Variants in ARHGAP26 observed in about 807,000 individuals in gnomAD.
The protein encoded by ARHGAP26 is rho GTPase-activating protein 26.
ARHGAP26 carries 38 observed loss-of-function variants against 104.8 expected under a neutral mutation model. That is an observed-to-expected ratio of 0.36 (90% CI 0.28 to 0.48). ARHGAP26 has a LOEUF of 0.48. Among genes scored for constraint, ARHGAP26 ranks in the 20% least tolerant of loss-of-function variants. ARHGAP26 has a pLI of 0.99. For synonymous variants in ARHGAP26, 341 were observed against 340.0 expected (o/e 1.00, Z -0.03); for missense variants, 704 against 947.9 (o/e 0.74, Z 3.38).
intron 19 of ARHGAP26, among the ~76,000 whole-genome samples, chr5:143,144,446 C>G (rs1376071869): frequency 2.0e-5 from 3 of 152,100 alleles, no homozygotes; most frequent in Admixed American, 2.0e-4. Context: ...TGCTCTGTCA[C>G]CTAGGCTGGA....
chr5:143,150,407 C>T (rs1211343935), intron 20 of ARHGAP26, among the ~76,000 whole-genome samples: 1 of 152,180 alleles, frequency 6.6e-6, no homozygotes, highest in East Asian at 1.9e-4. Context: ...CAGAGTTCAA[C>T]CACTGTCAAC....
intron 17 of ARHGAP26, among the ~76,000 whole-genome samples, chr5:143,088,271 T>C (rs1790890435): frequency 6.6e-6 from 1 of 152,248 alleles, no homozygotes; most frequent in Non-Finnish European, 1.5e-5. Flanking sequence ...GCCCTATGTG[T>C]GCAGTGACCA....
rs1164350269 is a variant in ARHGAP26, at chr5:142,983,103, G to A, written c.1108-30977G>A. On this transcript the variant is annotated intron_variant, in intron 11 of 22. Coordinates refer to ENST00000645722, the MANE Select transcript of ARHGAP26 (RefSeq NM_001135608.3). ...GAGGAGGACAGGTCCCCTGACTGCCGGCTACTCCAGTGCATCTGAAATGGA... is the reference window on the plus strand; with the variant it reads ...GAGGAGGACAGGTCCCCTGACTGCCAGCTACTCCAGTGCATCTGAAATGGA... Among the ~76,000 whole-genome samples the A allele has an allele frequency of 3.9e-5, 6 of 152,146 alleles. No individual in the cohort carries two copies. In the East Asian group the frequency reaches 1.2e-3, roughly 29 times the overall value.
At chr5:143,023,138 C>G (rs1780569063) in intron 12 of ARHGAP26, among the ~76,000 whole-genome samples, 1 of 152,238 alleles carries the variant, frequency 6.6e-6, no homozygotes, top group Non-Finnish European at 1.5e-5. Flanking sequence ...GATTTGGCAA[C>G]ACAACATAAT....
At chr5:143,014,162 A>T (rs1562263076) in intron 12 of ARHGAP26, 46 bp downstream of exon 12, 1 of 1,609,286 alleles carries the variant, frequency 6.2e-7, no homozygotes, top group African/African-American at 1.3e-5. Flanking sequence ...GGTTGGGAGT[A>T]GGCTTTGAGA....
At chr5:143,179,028 C>G (rs1265271590) in intron 20 of ARHGAP26, among the ~76,000 whole-genome samples, 2 of 152,156 alleles carry the variant, frequency 1.3e-5, no homozygotes, top group Non-Finnish European at 2.9e-5. Context: ...TGCCACCACA[C>G]CTGGCTAATT....
chr5:142,974,205 G>T (rs1054330313), intron 11 of ARHGAP26, among the ~76,000 whole-genome samples: 2 of 143,294 alleles, frequency 1.4e-5, no homozygotes, highest in Admixed American at 7.0e-5. Context: ...TTGTATTTCA[G>T]TTTTTTTTTT....
rs576991567 is a variant in ARHGAP26, at chr5:143,084,099, A to T, written c.1538+26352A>T. ...ATGCATTCAAAGTGTGGTCAAAACT[A>T]TAATTGAGTGGGAATTTAACAACCT... On this transcript the variant is annotated intron_variant, in intron 17 of 22. Coordinates refer to ENST00000645722, the MANE Select transcript of ARHGAP26 (RefSeq NM_001135608.3). 4.4e-4 allele frequency among the ~76,000 whole-genome samples: 67 copies of T among 152,358 alleles called. 1 individual carries two copies. The highest frequency in any genetic ancestry group is 1.6e-3 in the African/African-American group (65 of 41,582).
intron 20 of ARHGAP26, among the ~76,000 whole-genome samples, chr5:143,197,321 A>G (rs1439046270): frequency 6.6e-6 from 1 of 152,206 alleles, no homozygotes; most frequent in Non-Finnish European, 1.5e-5. Flanking sequence ...GTAGCAATTT[A>G]CACCCCTCCT....
At chr5:142,829,855 G>A (rs1211850004) in intron 1 of ARHGAP26, among the ~76,000 whole-genome samples, 2 of 152,198 alleles carry the variant, frequency 1.3e-5, no homozygotes, top group African/African-American at 4.8e-5. Context: ...TTCTCAGCAT[G>A]CAGGGGATGA....
At chr5:143,019,589 C>T (rs1364661007) in intron 12 of ARHGAP26, among the ~76,000 whole-genome samples, 2 of 152,164 alleles carry the variant, frequency 1.3e-5, no homozygotes, top group Non-Finnish European at 2.9e-5. Context: ...GTTCTCAGCT[C>T]AGGCTGCTAT....
chr5:142,984,784 A>G (rs1447119405), intron 11 of ARHGAP26, among the ~76,000 whole-genome samples: 2 of 152,224 alleles, frequency 1.3e-5, no homozygotes, highest in Non-Finnish European at 2.9e-5. Context: ...ATGCTGGTGT[A>G]AACAAACCTA....
intron 20 of ARHGAP26, chr5:143,169,333 T>C (rs1309807565): frequency 1.3e-5 from 2 of 152,228 alleles, no homozygotes; most frequent in Non-Finnish European, 2.9e-5. Flanking sequence ...TGGTTTTCCA[T>C]TGTGCAGGAA....
At chr5:142,996,205 GGTT>G (rs886430403) in intron 11 of ARHGAP26, among the ~76,000 whole-genome samples, 3 of 152,032 alleles carry the variant, frequency 2.0e-5, no homozygotes, top group Non-Finnish European at 4.4e-5. Flanking sequence ...AATGAAAATA[GGTT>G]TGTGGCTGGG....
intron 8 of ARHGAP26, among the ~76,000 whole-genome samples, chr5:142,906,369 T>C (rs538773455): frequency 1.3e-5 from 2 of 152,332 alleles, no homozygotes; most frequent in South Asian, 4.1e-4. Context: ...TTGACAATCC[T>C]TGCCTGAGCT....
chr5:142,824,349 G>T (rs1766789341), intron 1 of ARHGAP26, among the ~76,000 whole-genome samples: 2 of 152,120 alleles, frequency 1.3e-5, no homozygotes, highest in Admixed American at 6.5e-5. Context: ...AGTTCCTGAG[G>T]GTCGTCCCTA....
At chr5:143,012,552 C>CATACATATAT (rs1200923855) in intron 11 of ARHGAP26, among the ~76,000 whole-genome samples, 1 of 20,824 alleles carries the variant, frequency 4.8e-5, no homozygotes, top group African/African-American at 1.2e-4. Context: ...TACATACATA[C>CATACATATAT]ATATATATAT....
intron 12 of ARHGAP26, among the ~76,000 whole-genome samples, chr5:143,028,533 G>A (rs1463519011): frequency 2.6e-5 from 4 of 152,108 alleles, no homozygotes; most frequent in Admixed American, 1.3e-4. Context: ...TCAAATATTA[G>A]GATATAGTAA....
At chr5:143,125,534 GGGAAGCAGT>G (rs1484530740) in intron 18 of ARHGAP26, among the ~76,000 whole-genome samples, 1 of 152,160 alleles carries the variant, frequency 6.6e-6, no homozygotes, top group African/African-American at 2.4e-5. Flanking sequence ...GGACCTGGGA[GGGAAGCAGT>G]GTTTGGCACA....
Sources: allele counts gnomAD v4.1 joint callset (sites outside exome capture counted in the v4.1 genomes callset), GRCh38; gene constraint gnomAD v4.1.1; transcripts MANE v1.5; gene names NCBI Gene and HGNC (gene_info 2026-07-23, HGNC 2026-07-21).